Variants in HS2ST1 observed in about 807,000 individuals in gnomAD.
HS2ST1 encodes 2-O-sulfotransferase.
A neutral mutation model predicts 42.9 loss-of-function variants in HS2ST1; 18 were observed. The observed-to-expected ratio is 0.42, with a 90% confidence interval of 0.29 to 0.62. HS2ST1 has a LOEUF of 0.62. Among genes scored for constraint, HS2ST1 ranks in the 20% least tolerant of loss-of-function variants. HS2ST1 has a pLI of 0.21. For synonymous variants in HS2ST1, 146 were observed against 152.9 expected, an observed-to-expected ratio of 0.95 and a Z score of 0.33; for missense variants, 334 against 433.8, an observed-to-expected ratio of 0.77 and a Z score of 2.04.
At chr1:86,982,886 G>A (rs1262593353) in intron 1 of HS2ST1, among the ~76,000 whole-genome samples, 1 of 152,144 alleles carries the variant, frequency 6.6e-6, no homozygotes, top group Non-Finnish European at 1.5e-5. Flanking sequence ...TCTCTCTCAA[G>A]TTCAAAGTTC....
At chr1:87,063,464 G>A (rs999918488) in intron 1 of HS2ST1, among the ~76,000 whole-genome samples, 2 of 152,110 alleles carry the variant, frequency 1.3e-5, no homozygotes, top group Non-Finnish European at 2.9e-5. Flanking sequence ...ATCCTCCTGA[G>A]TAGCTGAGAC....
intron 1 of HS2ST1, among the ~76,000 whole-genome samples, chr1:86,989,966 G>A (rs889620080): frequency 3.3e-5 from 5 of 151,842 alleles, no homozygotes; most frequent in African/African-American, 7.3e-5. Context: ...CTAGTCTGTC[G>A]TTGATGGGCA....
chr1:86,917,895 A>C (rs1272337102), intron 1 of HS2ST1, among the ~76,000 whole-genome samples: 1 of 152,236 alleles, frequency 6.6e-6, no homozygotes, highest in Non-Finnish European at 1.5e-5. Context: ...TTACCCAATG[A>C]AACAACTGAA....
In HS2ST1 at chr1:87,092,508, T is replaced by G. The variant is rs1651970521; in HGVS notation, c.450-23T>G. 2.0e-6 allele frequency: 3 copies of G among 1,518,902 alleles called. No individual in the cohort carries two copies. The East Asian group carries it at 7.4e-5, about 38-fold the overall frequency. The allele number at this position is 1,518,902 out of a possible 1,614,324, so 94.1% of individuals were successfully genotyped here. On this transcript the variant is annotated intron_variant, in intron 3 of 6. Transcript: ENST00000370550. Reference sequence around the variant, plus strand: ...ACAGATTGAAAATGTTGATTTCACCTTTGAAATTTTGTTGTATTTCAGATT... The same window carrying G: ...ACAGATTGAAAATGTTGATTTCACCGTTGAAATTTTGTTGTATTTCAGATT...
At chr1:87,018,380 G>A (rs1649824539) in intron 1 of HS2ST1, among the ~76,000 whole-genome samples, 1 of 152,116 alleles carries the variant, frequency 6.6e-6, no homozygotes. Context: ...GTGCAAAATG[G>A]TCATCTGCAC....
chr1:87,002,624 GAAAA>G (rs1049142377), intron 1 of HS2ST1, among the ~76,000 whole-genome samples: 11 of 147,274 alleles, frequency 7.5e-5, no homozygotes, highest in Non-Finnish European at 1.5e-4. Flanking sequence ...AAAAAAAAAA[GAAAA>G]AGAAAAAAAA....
At chr1:87,035,959 C>G (rs796844145) in intron 1 of HS2ST1, among the ~76,000 whole-genome samples, 22 of 152,150 alleles carry the variant, frequency 1.4e-4, no homozygotes, top group African/African-American at 5.3e-4. Context: ...TCTCCTAATG[C>G]TATCCCTTTT....
intron 1 of HS2ST1, among the ~76,000 whole-genome samples, chr1:86,982,615 C>A (rs188673653): frequency 6.6e-6 from 1 of 152,006 alleles, no homozygotes; most frequent in African/African-American, 2.4e-5. Context: ...CCCAGGTTCA[C>A]GCCATTCTCC....
chr1:86,958,027 G>A (rs1290751241), intron 1 of HS2ST1, among the ~76,000 whole-genome samples: 3 of 151,972 alleles, frequency 2.0e-5, no homozygotes, highest in Non-Finnish European at 2.9e-5. Flanking sequence ...TCCTGACCAC[G>A]GTGATCCACC....
chr1:87,032,321 A>T (rs1219615689), intron 1 of HS2ST1, among the ~76,000 whole-genome samples: 1 of 152,182 alleles, frequency 6.6e-6, no homozygotes, highest in Admixed American at 6.5e-5. Flanking sequence ...TATTAAAAAC[A>T]GTGTTGGGTG....
At chr1:87,080,597 C>T (rs1279248838) in intron 2 of HS2ST1, among the ~76,000 whole-genome samples, 1 of 152,084 alleles carries the variant, frequency 6.6e-6, no homozygotes, top group African/African-American at 2.4e-5. Flanking sequence ...AAAAGCACCC[C>T]CATAAGAACC....
In HS2ST1 at chr1:87,072,983, A is replaced by G. The variant is rs1326656084; in HGVS notation, c.174A>G (p.Thr58=). 2 of 1,614,006 alleles carry G rather than the reference A, an allele frequency of 1.2e-6. No homozygotes were observed. The highest frequency in any genetic ancestry group is 1.3e-5 in the African/African-American group (1 of 74,936). Residue 58 remains threonine (T), a synonymous_variant, in exon 2 of 7, where the codon ACA becomes ACG. Transcript: ENST00000370550. ...TCCGAGAAATTGAGCAGCGACATAC[A>G]ATGGATGGCCCTCGGCAAGATGCCA... ...HEVREIEQRH[T]MDGPRQDATL...
intron 1 of HS2ST1, among the ~76,000 whole-genome samples, chr1:86,977,519 CTA>C (rs1216077621): frequency 6.6e-6 from 1 of 152,160 alleles, no homozygotes. Flanking sequence ...AATAATGTGA[CTA>C]TTGTGACATT....
At chr1:87,021,974 A>G (rs949798038) in intron 1 of HS2ST1, among the ~76,000 whole-genome samples, 2 of 152,256 alleles carry the variant, frequency 1.3e-5, no homozygotes, top group Admixed American at 6.5e-5. Flanking sequence ...ATCTGAAAGT[A>G]ACACAGTATT....
chr1:87,076,289 A>G (rs950389268), intron 2 of HS2ST1, among the ~76,000 whole-genome samples: 6 of 152,214 alleles, frequency 3.9e-5, no homozygotes, highest in African/African-American at 1.4e-4. Flanking sequence ...ATCAAAAATG[A>G]TATCTTTGTT....
intron 2 of HS2ST1, among the ~76,000 whole-genome samples, chr1:87,078,295 TC>T (rs1307289433): frequency 6.6e-6 from 1 of 152,180 alleles, no homozygotes; most frequent in African/African-American, 2.4e-5. Flanking sequence ...GAAGGGTGCT[TC>T]TTAGCTTTTT....
Position 87,047,991 on chromosome 1 carries a change from G to C in HS2ST1, c.125-24943G>C, listed in dbSNP as rs536281650. ...CAAAAAGTGTCCTGGGATTTTGATT[G>C]GGATTGCATGGCATCTGTATATAAA... On this transcript the variant is annotated intron_variant, in intron 1 of 6. Coordinates refer to ENST00000370550, the MANE Select transcript of HS2ST1 (RefSeq NM_012262.4). 2.0e-5 allele frequency among the ~76,000 whole-genome samples: 3 copies of C among 152,214 alleles called. No individual in the cohort carries two copies. In the South Asian group the frequency reaches 6.2e-4, roughly 32 times the overall value.
intron 1 of HS2ST1, among the ~76,000 whole-genome samples, chr1:87,036,374 C>T (rs1282823684): frequency 6.6e-6 from 1 of 152,102 alleles, no homozygotes; most frequent in East Asian, 1.9e-4. Flanking sequence ...GAGGAATTGC[C>T]ACACTGGGAG....
At chr1:87,084,749 A>T (rs953472882) in intron 3 of HS2ST1, among the ~76,000 whole-genome samples, 2 of 151,568 alleles carry the variant, frequency 1.3e-5, no homozygotes, top group Non-Finnish European at 2.9e-5. Context: ...AGGCTTTTTT[A>T]AAAAAAATTC....
Sources: allele counts gnomAD v4.1 joint callset (sites outside exome capture counted in the v4.1 genomes callset), GRCh38; gene constraint gnomAD v4.1.1; transcripts MANE v1.5; gene names NCBI Gene and HGNC (gene_info 2026-07-23, HGNC 2026-07-21).